Variants in ZNF639 observed in about 807,000 individuals in gnomAD.
ZNF639 encodes zinc finger protein 639.
In ZNF639, 20 loss-of-function variants were observed where a neutral mutation model predicts 39.8. The observed-to-expected ratio is 0.50, with a 90% CI of 0.35 to 0.73. The LOEUF is 0.73. Ranked by LOEUF, ZNF639 falls within the 30% of genes least tolerant of loss-of-function variation. The pLI, the probability that ZNF639 is intolerant of heterozygous loss-of-function variation, is 0.00. For missense variants in ZNF639, 477 were observed against 566.2 expected, an observed-to-expected ratio of 0.84 and a Z score of 1.60; for synonymous variants, 176 against 189.8, an observed-to-expected ratio of 0.93 and a Z score of 0.60.
chr3:179,334,139 A>G lies in ZNF639; in HGVS notation c.1175A>G (p.His392Arg). 2 of 1,614,152 alleles carry G rather than the reference A, an allele frequency of 1.2e-6. No individual in the cohort carries two copies. The highest frequency in any genetic ancestry group is 1.7e-6 in the Non-Finnish European group (2 of 1,180,006). ...AGACTTCACACAAATGTTAACAGGC[A>G]TGTTGCTATTGAACATACAAAAATT... ...RSRLHTNVNRHVAIEHTKIFP... is the reference protein window; with the variant it reads ...RSRLHTNVNRRVAIEHTKIFP... Residue 392 changes from histidine to arginine, a missense_variant, in exon 6 of 6, where the codon CAT becomes CGT. Coordinates refer to ENST00000496856, the MANE Select transcript of ZNF639 (RefSeq NM_001303426.2).
chr3:179,329,909 CTTTTTTTTTTT>C, intron 4 of ZNF639, 181 bp downstream of exon 4: 8 of 208,652 alleles, frequency 3.8e-5, no homozygotes, highest in South Asian at 7.7e-5. Context: ...TTTAACTATT[CTTTTTTTTTTT>C]TTTTTTTTTT....
In ZNF639 at chr3:179,334,784, G is replaced by GT. The variant is rs1728128853; in HGVS notation, c.*368dup. 1 of 155,310 alleles carries GT rather than the reference G, an allele frequency of 6.4e-6. No homozygotes were observed. Among genetic ancestry groups the GT allele is most frequent in the South Asian group, 2.0e-4 (1 of 4,902 alleles). The allele number at this position is 155,310 out of a possible 1,614,324, so 9.6% of individuals were successfully genotyped here. Reference sequence around the variant, plus strand: ...CTTTTTAAAACTCAAGACAAGATTAGTTTTTTATGTGTGAAGTCATTAAAT... The same window carrying GT: ...CTTTTTAAAACTCAAGACAAGATTAGTTTTTTTATGTGTGAAGTCATTAAAT... On this transcript the variant is annotated 3_prime_UTR_variant, in exon 6 of 6. Coordinates refer to ENST00000496856, the MANE Select transcript of ZNF639 (RefSeq NM_001303426.2).
At position 179,334,802 on chromosome 3, in the gene ZNF639, C is replaced by G. The variant is rs573227281; in HGVS notation, c.*380C>G. The stretch of plus-strand genomic sequence containing the variant: ...AAGATTAGTTTTTTATGTGTGAAGT[C>G]ATTAAATTATTACACGACCAGAACT... On this transcript the variant is annotated 3_prime_UTR_variant, in exon 6 of 6. Coordinates refer to ENST00000496856, the MANE Select transcript of ZNF639 (RefSeq NM_001303426.2). 3 of 153,954 alleles carry G rather than the reference C, an allele frequency of 1.9e-5. No homozygotes were observed. The highest frequency in any genetic ancestry group is 4.3e-5 in the Non-Finnish European group (3 of 69,480). The allele number at this position is 153,954 out of a possible 1,614,324, so 9.5% of individuals were successfully genotyped here. A position where few individuals can be genotyped will look rare whatever the true frequency, so the allele number is the denominator to read the frequency against.
rs566749087 is a variant in ZNF639, at chr3:179,335,846, A to C, written c.*1424A>C. On this transcript the variant is annotated 3_prime_UTR_variant, in exon 6 of 6. Coordinates refer to ENST00000496856, the MANE Select transcript of ZNF639 (RefSeq NM_001303426.2). ...ACTCTTGTCGCCCAGGCTGGAGTAC[A>C]GTGGCGCGATCTCAGCTCATTGCAA... 2 of 149,362 alleles carry C rather than the reference A, an allele frequency of 1.3e-5. No individual in the cohort carries two copies. Among genetic ancestry groups the C allele is most frequent in the East Asian group, 4.0e-4 (2 of 5,046 alleles). 9.3% of individuals were successfully genotyped at this position (149,362 alleles called of 1,614,324 possible). A position where few individuals can be genotyped will look rare whatever the true frequency, so the allele number is the denominator to read the frequency against.
intron 4 of ZNF639, among the ~76,000 whole-genome samples, chr3:179,331,625 AT>A (rs1727913414): frequency 6.6e-6 from 1 of 151,884 alleles, no homozygotes; most frequent in Non-Finnish European, 1.5e-5. Flanking sequence ...AAAATACAAA[AT>A]TAGCTGGGCG....
chr3:179,332,559 A>C (rs538880026), intron 4 of ZNF639, among the ~76,000 whole-genome samples: 1 of 152,236 alleles, frequency 6.6e-6, no homozygotes, highest in Admixed American at 6.5e-5. Flanking sequence ...TTGAGGCTGC[A>C]GTGAGTGAGC....
In ZNF639 at chr3:179,334,892, C is replaced by G. The variant is rs1185367040; in HGVS notation, c.*470C>G. On this transcript the variant is annotated 3_prime_UTR_variant, in exon 6 of 6. Coordinates refer to ENST00000496856, the MANE Select transcript of ZNF639 (RefSeq NM_001303426.2). Reference sequence around the variant, plus strand: ...AATGAGAAATAACACTAGGAAGCCACTATTACAGGAAGAAAAGATTTGGTT... The same window carrying G: ...AATGAGAAATAACACTAGGAAGCCAGTATTACAGGAAGAAAAGATTTGGTT... 1 of 151,888 alleles carries G rather than the reference C, an allele frequency of 6.6e-6. No individual in the cohort carries two copies. The highest frequency in any genetic ancestry group is 1.9e-4 in the East Asian group (1 of 5,182). 9.4% of individuals were successfully genotyped at this position (151,888 alleles called of 1,614,324 possible). A position where few individuals can be genotyped will look rare whatever the true frequency, so the allele number is the denominator to read the frequency against.
At chr3:179,331,745 A>AGC (rs1187181838) in intron 4 of ZNF639, among the ~76,000 whole-genome samples, 3 of 145,338 alleles carry the variant, frequency 2.1e-5, no homozygotes, top group Non-Finnish European at 3.0e-5. Flanking sequence ...ATTGCACTGC[A>AGC]GCCTGGGCAA....
rs1484763370 is a variant in ZNF639, at chr3:179,335,219, A to G, written c.*797A>G. Reference sequence around the variant, plus strand: ...CAATCCTCCCACTTCACCCTCCTGCATAGCTAGGACTACAGGCATGTGGCA... The same window carrying G: ...CAATCCTCCCACTTCACCCTCCTGCGTAGCTAGGACTACAGGCATGTGGCA... On this transcript the variant is annotated 3_prime_UTR_variant, in exon 6 of 6. Coordinates refer to ENST00000496856, the MANE Select transcript of ZNF639 (RefSeq NM_001303426.2). 1 of 152,206 alleles carries G rather than the reference A, an allele frequency of 6.6e-6. No homozygotes were observed. The highest frequency in any genetic ancestry group is 1.5e-5 in the Non-Finnish European group (1 of 68,070). 9.4% of individuals were successfully genotyped at this position (152,206 alleles called of 1,614,324 possible).
Position 179,323,260 on chromosome 3 carries a change from G to C in ZNF639, c.-114G>C, listed in dbSNP as rs1269280827. ...TCTCGGCCGCCGCCGCCTCTGCGTG[G>C]GCCGGCCGGGAGGGCCTCGGGGGAC... On this transcript the variant is annotated 5_prime_UTR_variant, in exon 1 of 6. Transcript: ENST00000496856. 1.0e-6 allele frequency: 1 copy of C among 985,360 alleles called. No individual in the cohort carries two copies. The allele number at this position is 985,360 out of a possible 1,614,324, so 61.0% of individuals were successfully genotyped here.
At chr3:179,331,263 T>C (rs911573892) in intron 4 of ZNF639, among the ~76,000 whole-genome samples, 3 of 152,160 alleles carry the variant, frequency 2.0e-5, no homozygotes, top group Non-Finnish European at 4.4e-5. Flanking sequence ...TATCCATGAA[T>C]TCATGCTGTT....
In ZNF639 at chr3:179,333,412, G is replaced by T. The variant is rs771313567; in HGVS notation, c.448G>T (p.Asp150Tyr). The change falls in exon 6 of 6, where the codon GAT becomes TAT. Residue 150 changes from aspartate to tyrosine, a missense_variant. Physicochemically the swap from Asp to Tyr is radical, Grantham distance 160. Coordinates refer to ENST00000496856, the MANE Select transcript of ZNF639 (RefSeq NM_001303426.2). Reference protein sequence around the residue: ...IAVEVHAISEDYDIETENNSS... With the variant: ...IAVEVHAISEYYDIETENNSS... The stretch of plus-strand genomic sequence containing the variant: ...TGTAGAAGTGCATGCGATTTCTGAG[G>T]ATTATGATATAGAGACAGAAAACAA... 1 of 1,614,100 alleles carries T rather than the reference G, an allele frequency of 6.2e-7. No individual in the cohort carries two copies. The highest frequency in any genetic ancestry group is 8.5e-7 in the Non-Finnish European group (1 of 1,180,026).
In ZNF639 at chr3:179,328,064, C is replaced by T. The variant is rs950285430; in HGVS notation, c.-11-219C>T. The T allele has an allele frequency of 1.3e-5, 5 of 371,220 alleles. No homozygotes were observed. In the Admixed American group the frequency reaches 1.9e-4, roughly 14 times the overall value. The allele number at this position is 371,220 out of a possible 1,614,324, so 23.0% of individuals were successfully genotyped here. A position where few individuals can be genotyped will look rare whatever the true frequency, so the allele number is the denominator to read the frequency against. On this transcript the variant is annotated intron_variant, in intron 2 of 5. Coordinates refer to ENST00000496856, the MANE Select transcript of ZNF639 (RefSeq NM_001303426.2). ...CATTTGAAAAAGAATTTTTTAACCTCCGTAAGAAAGAAAACAGAAATCAGT... is the reference window on the plus strand; with the variant it reads ...CATTTGAAAAAGAATTTTTTAACCTTCGTAAGAAAGAAAACAGAAATCAGT...
Position 179,337,721 on chromosome 3 carries a change from A to G in ZNF639, c.*3299A>G, listed in dbSNP as rs1345386483. The G allele has an allele frequency of 6.6e-6, 1 of 152,154 alleles. No homozygotes were observed. Among genetic ancestry groups the G allele is most frequent in the African/African-American group, 2.4e-5 (1 of 41,422 alleles). The allele number at this position is 152,154 out of a possible 1,614,324, so 9.4% of individuals were successfully genotyped here. A position where few individuals can be genotyped will look rare whatever the true frequency, so the allele number is the denominator to read the frequency against. ...CCACAAAACCTTTTCGCCTTGGCCCAGTTTTCAAATCAATGATTGACCATA... is the reference window on the plus strand; with the variant it reads ...CCACAAAACCTTTTCGCCTTGGCCCGGTTTTCAAATCAATGATTGACCATA... On this transcript the variant is annotated 3_prime_UTR_variant, in exon 6 of 6. Coordinates refer to ENST00000496856, the MANE Select transcript of ZNF639 (RefSeq NM_001303426.2).
intron 1 of ZNF639, among the ~76,000 whole-genome samples, chr3:179,326,069 G>A (rs1315758662): frequency 1.3e-5 from 2 of 152,052 alleles, no homozygotes; most frequent in African/African-American, 4.8e-5. Flanking sequence ...GGTGCCTCGT[G>A]CCTGTAATCC....
rs1728080890 is a variant in ZNF639 at position 179,334,068 on chromosome 3, C to T, written c.1104C>T (p.Asp368=). 6.2e-7 allele frequency: 1 copy of T among 1,613,550 alleles called. No homozygotes were observed. The highest frequency in any genetic ancestry group is 8.5e-7 in the Non-Finnish European group (1 of 1,179,748). Residue 368 remains aspartate, a synonymous_variant, in exon 6 of 6, where the codon GAC becomes GAT. Coordinates refer to ENST00000496856, the MANE Select transcript of ZNF639 (RefSeq NM_001303426.2). ...GCCTCTTAAGCAAAATTACCTTTGA[C>T]AAATGTAAAAACTTCTTTGTATGTC... ...QYSLLSKITF[D]KCKNFFVCQV...
intron 3 of ZNF639, among the ~76,000 whole-genome samples, chr3:179,328,703 C>T (rs924347152): frequency 8.3e-4 from 125 of 151,434 alleles, no homozygotes; most frequent in African/African-American, 2.9e-3. Context: ...AAATATTTTA[C>T]ATTATTGGGG....
Position 179,323,272 on chromosome 3 carries a change from G to A in ZNF639, c.-102G>A. 1.0e-6 allele frequency: 1 copy of A among 985,308 alleles called. No individual in the cohort carries two copies. Among genetic ancestry groups the A allele is most frequent in the Non-Finnish European group, 1.2e-6 (1 of 829,948 alleles). 61.0% of individuals were successfully genotyped at this position (985,308 alleles called of 1,614,324 possible). A position where few individuals can be genotyped will look rare whatever the true frequency, so the allele number is the denominator to read the frequency against. ...CCGCCTCTGCGTGGGCCGGCCGGGAGGGCCTCGGGGGACTGACTGGTGAGT... is the reference window on the plus strand; with the variant it reads ...CCGCCTCTGCGTGGGCCGGCCGGGAAGGCCTCGGGGGACTGACTGGTGAGT... On this transcript the variant is annotated 5_prime_UTR_variant, in exon 1 of 6. Transcript: ENST00000496856.
chr3:179,325,765 C>T (rs1727553282), intron 1 of ZNF639, among the ~76,000 whole-genome samples: 1 of 152,018 alleles, frequency 6.6e-6, no homozygotes, highest in Non-Finnish European at 1.5e-5. Context: ...CCTGTTGTCC[C>T]AGCTACTTGG....
Sources: gnomAD v4.1 joint callset for allele counts (sites outside exome capture counted in the v4.1 genomes callset) on GRCh38, gnomAD v4.1.1 for gene constraint, MANE v1.5 for transcripts, NCBI Gene and HGNC (gene_info 2026-07-23, HGNC 2026-07-21) for gene names.